The following LINGO1 variants were observed in gnomAD, a reference collection of about 807,000 sequenced individuals.
LINGO1 encodes the protein leucine-rich repeat and immunoglobulin-like domain-containing nogo receptor-interacting protein 1.
In LINGO1, 11 loss-of-function variants were observed where a neutral mutation model predicts 37.3. That is an observed-to-expected ratio of 0.29 (90% CI 0.19 to 0.49). The LOEUF (loss-of-function observed/expected upper bound fraction) is 0.49, where lower values mean the gene tolerates loss of function less well. Ranked by LOEUF, LINGO1 falls within the 20% of genes least tolerant of loss-of-function variation. LINGO1 has a pLI of 0.99. For synonymous variants in LINGO1, 387 were observed against 403.0 expected (o/e 0.96, Z 0.48); for missense variants, 585 against 878.2 (o/e 0.67, Z 4.22).
chr15:77,621,057 C>A (rs1319247115), intron 1 of LINGO1, among the ~76,000 whole-genome samples: 1 of 136,648 alleles, frequency 7.3e-6, no homozygotes, highest in African/African-American at 3.4e-5. Flanking sequence ...AGGTTTGGGG[C>A]CTTTTTTTTT....
At chr15:77,617,126 G>A (rs935118809) in intron 1 of LINGO1, among the ~76,000 whole-genome samples, 9 of 152,160 alleles carry the variant, frequency 5.9e-5, no homozygotes, top group African/African-American at 9.7e-5. Flanking sequence ...ATGAGAAACC[G>A]TGCCAGGAGC....
chr15:77,762,401 C>G (rs1248844962), intron 1 of LINGO1, among the ~76,000 whole-genome samples: 1 of 152,182 alleles, frequency 6.6e-6, no homozygotes, highest in African/African-American at 2.4e-5. Context: ...TCCAGGAAGC[C>G]TATCCTGACC....
At chr15:77,811,832 A>C (rs1163379747) in intron 1 of LINGO1, among the ~76,000 whole-genome samples, 1 of 152,240 alleles carries the variant, frequency 6.6e-6, no homozygotes, top group Admixed American at 6.5e-5. Context: ...AAAACAGATA[A>C]AGCAAAATGT....
chr15:77,751,970 A>G (rs1458750444), intron 1 of LINGO1, among the ~76,000 whole-genome samples: 1 of 152,182 alleles, frequency 6.6e-6, no homozygotes, highest in Non-Finnish European at 1.5e-5. Flanking sequence ...GCCCTCTCAC[A>G]TGTGACCATG....
At chr15:77,665,414 T>A (rs983579070) in intron 3 of LINGO1, among the ~76,000 whole-genome samples, 9 of 152,204 alleles carry the variant, frequency 5.9e-5, no homozygotes, top group Admixed American at 5.9e-4. Context: ...GCTCACCCAC[T>A]GCTTGTGTGT....
chr15:77,694,460 C>A (rs1186095978), intron 1 of LINGO1, among the ~76,000 whole-genome samples: 1 of 152,136 alleles, frequency 6.6e-6, no homozygotes, highest in Non-Finnish European at 1.5e-5. Context: ...CCTCCCTCAT[C>A]CCCAGTAGTC....
At chr15:77,685,204 G>A (rs917418784) in intron 2 of LINGO1, among the ~76,000 whole-genome samples, 1 of 152,092 alleles carries the variant, frequency 6.6e-6, no homozygotes, top group Admixed American at 6.5e-5. Flanking sequence ...CGGAGGAGGA[G>A]CTGTGCCTCC....
At position 77,614,579 on chromosome 15, in the gene LINGO1, T is replaced by C. The variant is rs769765831; in HGVS notation, c.1328A>G (p.Gln443Arg). The part of the protein sequence containing the change: ...QVFVDEGHTV[Q>R]FVCRADGDPP... ...GTCGCCATCGGCCCGGCACACAAAC[T>C]GCACCGTGTGGCCCTCGTCCACAAA... Residue 443 changes from glutamine (Q) to arginine (R), a missense_variant, in exon 2 of 2, where the codon CAG (glutamine) becomes CGG (arginine). This residue lies in a region of LINGO1 where 484 missense variants were observed against 735.0 expected (regional missense o/e 0.66). Transcript: ENST00000355300. 1.2e-6 allele frequency: 2 copies of C among 1,610,888 alleles called. No individual in the cohort carries two copies. Among genetic ancestry groups the C allele is most frequent in the Admixed American group, 1.7e-5 (1 of 59,788 alleles).
At chr15:77,718,540 T>A (rs2076012244) in intron 2 of LINGO1, among the ~76,000 whole-genome samples, 2 of 150,950 alleles carry the variant, frequency 1.3e-5, no homozygotes, top group African/African-American at 4.8e-5. Flanking sequence ...CATATTTGCA[T>A]GGCACATGTC....
chr15:77,742,815 A>AAAACAGCTGGAAGGGTAAGAAGG (rs2076277809), intron 1 of LINGO1, among the ~76,000 whole-genome samples: 1 of 152,232 alleles, frequency 6.6e-6, no homozygotes, highest in Admixed American at 6.5e-5. Context: ...AGAGCCTGCC[A>AAAACAGCTGGAAGGGTAAGAAGG]AAACAGCTGG....
intron 3 of LINGO1, among the ~76,000 whole-genome samples, chr15:77,667,320 G>A (rs2075153522): frequency 6.6e-6 from 1 of 152,204 alleles, no homozygotes; most frequent in African/African-American, 2.4e-5. Context: ...CCTCAATGGA[G>A]CCCTTCTAGG....
chr15:77,794,312 G>GTA (rs200895446), intron 2 of LINGO1, among the ~76,000 whole-genome samples: 1 of 108,238 alleles, frequency 9.2e-6, no homozygotes, highest in African/African-American at 4.2e-5. Flanking sequence ...ATACATATAT[G>GTA]TGTATATACA....
Position 77,645,070 on chromosome 15 carries a change from T to C in LINGO1, c.-12-29170A>G, listed in dbSNP as rs1055060455. Among the ~76,000 whole-genome samples, 4 of 152,138 alleles carry C rather than the reference T, an allele frequency of 2.6e-5. No homozygotes were observed. The South Asian group carries it at 6.2e-4, about 24-fold the overall frequency. On this transcript the variant is annotated intron_variant, in intron 3 of 3. Coordinates refer to the LINGO1 transcript ENST00000559893. ...ATACCTGCATGGTGGTGGTGGCTCA[T>C]CAGGAGTGGGGAGAGAGGCCTGGTG... is the stretch of plus-strand genomic sequence containing the variant.
chr15:77,614,736 G>T lies in LINGO1; in HGVS notation c.1171C>A (p.Arg391=), dbSNP rs199628078. The T allele has an allele frequency of 4.4e-6, 7 of 1,606,638 alleles. No homozygotes were observed. The highest frequency in any genetic ancestry group is 5.1e-6 in the Non-Finnish European group (6 of 1,176,736). The change falls in exon 2 of 2, where the codon CGG becomes AGG. Residue 391 remains arginine, a synonymous_variant. Coordinates refer to ENST00000355300, the MANE Select transcript of LINGO1 (RefSeq NM_032808.7). ...FRRRWRLNFN[R]QQPTCATPEF... Reference sequence around the variant, plus strand: ...GGCGTGGCGCACGTGGGCTGCTGCCGGTTGAAGTTGAGCCGCCAGCGGCGC... The same window carrying T: ...GGCGTGGCGCACGTGGGCTGCTGCCTGTTGAAGTTGAGCCGCCAGCGGCGC...
chr15:77,701,916 C>T (rs1047412720), intron 2 of LINGO1, among the ~76,000 whole-genome samples: 1 of 152,158 alleles, frequency 6.6e-6, no homozygotes, highest in African/African-American at 2.4e-5. Flanking sequence ...CACAAACGGA[C>T]TAAGAGAGCT....
intron 1 of LINGO1, among the ~76,000 whole-genome samples, chr15:77,738,759 GGAAGGAAGGAAGGAA>G (rs1567555854): frequency 6.5e-5 from 9 of 139,206 alleles, no homozygotes; most frequent in Non-Finnish European, 9.3e-5. Context: ...AAGGAAGGAA[GGAAGGAAGGAAGGAA>G]GGAAGGAAGG....
At chr15:77,706,082 T>C (rs144568981) in intron 2 of LINGO1, among the ~76,000 whole-genome samples, 18 of 152,298 alleles carry the variant, frequency 1.2e-4, no homozygotes, top group African/African-American at 3.9e-4. Flanking sequence ...ATAAATCCCA[T>C]TGTTGTCACA....
intron 1 of LINGO1, among the ~76,000 whole-genome samples, chr15:77,693,208 T>C (rs2075634903): frequency 6.6e-6 from 1 of 152,248 alleles, no homozygotes; most frequent in Non-Finnish European, 1.5e-5. Flanking sequence ...TATTCGGCAC[T>C]TACTATATAC....
intron 1 of LINGO1, among the ~76,000 whole-genome samples, chr15:77,624,573 T>G (rs2074034042): frequency 6.6e-6 from 1 of 152,220 alleles, no homozygotes; most frequent in South Asian, 2.1e-4. Flanking sequence ...TCAGAGCATC[T>G]TAGTGTTTAA....
Sources: allele counts gnomAD v4.1 joint callset (sites outside exome capture counted in the v4.1 genomes callset), GRCh38; gene constraint gnomAD v4.1.1; regional missense constraint gnomAD v4.1.1; transcripts MANE v1.5; gene names NCBI Gene and HGNC (gene_info 2026-07-23, HGNC 2026-07-21).